The following PSD3 variants were observed in gnomAD, a reference collection of about 807,000 sequenced individuals.
The protein encoded by PSD3 is PH and SEC7 domain-containing protein 3.
PSD3 carries 49 observed loss-of-function variants against 105.5 expected under a neutral mutation model. The observed-to-expected ratio is 0.46, with a 90% CI of 0.37 to 0.59. The LOEUF is 0.59. PSD3 is among the 20% of genes least tolerant of loss of function. The pLI, the probability that PSD3 is intolerant of heterozygous loss-of-function variation, is 0.00. For synonymous variants in PSD3, 557 were observed against 457.8 expected (o/e 1.22, Z -2.77); for missense variants, 1,561 against 1,263.8 (o/e 1.24, Z -3.57).
intron 1 of PSD3, among the ~76,000 whole-genome samples, chr8:19,070,501 C>T (rs557608043): frequency 1.3e-5 from 2 of 151,942 alleles, no homozygotes; most frequent in Admixed American, 6.6e-5. Context: ...CATGGTGAAA[C>T]GCTATCTCTA....
chr8:18,717,908 T>C (rs147108101), intron 9 of PSD3, among the ~76,000 whole-genome samples: 23 of 152,302 alleles, frequency 1.5e-4, no homozygotes, highest in African/African-American at 5.5e-4. Context: ...ACACAAAAAA[T>C]GCTCCATAGG....
chr8:18,566,634 G>T (rs1017973951), intron 14 of PSD3, among the ~76,000 whole-genome samples: 1 of 152,074 alleles, frequency 6.6e-6, no homozygotes, highest in African/African-American at 2.4e-5. Flanking sequence ...GCAATTCAGT[G>T]GGGTGGCGGA....
intron 11 of PSD3, among the ~76,000 whole-genome samples, chr8:18,601,706 C>T (rs969729190): frequency 1.3e-5 from 2 of 152,160 alleles, no homozygotes; most frequent in African/African-American, 2.4e-5. Context: ...AAAAAGCATA[C>T]CATTATTTCC....
At chr8:19,042,334 G>T (rs1828151602) in intron 1 of PSD3, among the ~76,000 whole-genome samples, 1 of 152,124 alleles carries the variant, frequency 6.6e-6, no homozygotes, top group African/African-American at 2.4e-5. Flanking sequence ...AATGTGGGGT[G>T]ATGGCTTCCA....
chr8:18,872,606 G>C lies in PSD3; in HGVS notation c.258C>G (p.Cys86Trp). ...GGACACCCTGCTGCTCTTGTGGGTG[G>C]CATGGCAGAGCCTCACCATCAAATT... ...SLEFDGEALP[C>W]HPQEQQGVQP... Residue 86 changes from cysteine (C) to tryptophan (W), a missense_variant, in exon 3 of 16, where the codon TGC becomes TGG. Cys to Trp is a radical substitution (Grantham distance 215). Coordinates refer to ENST00000327040, the MANE Select transcript of PSD3 (RefSeq NM_015310.4). 1 of 1,614,072 alleles carries C rather than the reference G, an allele frequency of 6.2e-7. No individual in the cohort carries two copies. The highest frequency in any genetic ancestry group is 8.5e-7 in the Non-Finnish European group (1 of 1,179,998).
At chr8:18,801,899 T>G (rs1364206266) in intron 6 of PSD3, among the ~76,000 whole-genome samples, 3 of 152,056 alleles carry the variant, frequency 2.0e-5, no homozygotes, top group African/African-American at 2.4e-5. Flanking sequence ...CAAGAAAGCC[T>G]TGGGAAGGTA....
chr8:18,965,876 C>G (rs1824210958), intron 1 of PSD3, among the ~76,000 whole-genome samples: 1 of 152,228 alleles, frequency 6.6e-6, no homozygotes, highest in Non-Finnish European at 1.5e-5. Flanking sequence ...AAATGCCAGG[C>G]CTGAGTTAAG....
At chr8:18,790,824 CA>C (rs1056156078) in intron 8 of PSD3, among the ~76,000 whole-genome samples, 89 of 151,052 alleles carry the variant, frequency 5.9e-4, no homozygotes, top group African/African-American at 2.1e-3. Flanking sequence ...AGCTCCAAGT[CA>C]GGTAAAAACA....
chr8:18,690,897 T>G (rs1982801), intron 9 of PSD3, among the ~76,000 whole-genome samples: 139,108 of 152,204 alleles, frequency 0.91, 64,002 homozygotes, highest in Middle Eastern at 0.97. Context: ...AACTGCAAAG[T>G]TTTTTCTAGC....
chr8:18,755,203 C>T (rs73616217), intron 9 of PSD3, among the ~76,000 whole-genome samples: 8 of 151,940 alleles, frequency 5.3e-5, no homozygotes, highest in African/African-American at 1.5e-4. Context: ...CCATGGTGGG[C>T]GGATCACTTG....
At chr8:19,009,378 G>A (rs1826851262) in intron 1 of PSD3, among the ~76,000 whole-genome samples, 1 of 152,180 alleles carries the variant, frequency 6.6e-6, no homozygotes, top group Non-Finnish European at 1.5e-5. Context: ...TGGATGACCT[G>A]AGTTTAAAGT....
At chr8:18,747,648 T>A (rs776969687) in intron 9 of PSD3, among the ~76,000 whole-genome samples, 1 of 152,138 alleles carries the variant, frequency 6.6e-6, no homozygotes, top group African/African-American at 2.4e-5. Flanking sequence ...AGATTATGGC[T>A]GGATAGTGAC....
At chr8:18,698,930 T>C (rs1279490978) in intron 9 of PSD3, among the ~76,000 whole-genome samples, 2 of 152,220 alleles carry the variant, frequency 1.3e-5, no homozygotes, top group Non-Finnish European at 2.9e-5. Context: ...AAATTAACAT[T>C]AATGAGAGAT....
At chr8:18,910,206 T>C (rs1047967601) in intron 2 of PSD3, among the ~76,000 whole-genome samples, 1 of 150,648 alleles carries the variant, frequency 6.6e-6, no homozygotes, top group African/African-American at 2.5e-5. Context: ...ATTGCGGCAC[T>C]ATTCACAATA....
chr8:18,809,683 G>T (rs1249219116), intron 4 of PSD3, among the ~76,000 whole-genome samples: 1 of 152,060 alleles, frequency 6.6e-6, no homozygotes, highest in Non-Finnish European at 1.5e-5. Context: ...TTTATTTCAA[G>T]AATTCCAATA....
chr8:18,730,459 G>C (rs576223773), intron 9 of PSD3: 1 of 152,258 alleles, frequency 6.6e-6, no homozygotes, highest in South Asian at 2.1e-4. Context: ...AAATATTAAT[G>C]AGATGACCAT....
At chr8:18,760,925 G>C (rs1563234163) in intron 9 of PSD3, among the ~76,000 whole-genome samples, 1 of 152,062 alleles carries the variant, frequency 6.6e-6, no homozygotes, top group African/African-American at 2.4e-5. Context: ...GTCTCCCCCA[G>C]GGATGTTTTA....
chr8:18,771,124 C>G (rs1807483094), intron 8 of PSD3, among the ~76,000 whole-genome samples: 1 of 152,214 alleles, frequency 6.6e-6, no homozygotes, highest in Non-Finnish European at 1.5e-5. Flanking sequence ...CTTCTCCTCT[C>G]TCTGCTGGCT....
At chr8:18,892,909 G>C (rs1358383196) in intron 2 of PSD3, among the ~76,000 whole-genome samples, 1 of 152,150 alleles carries the variant, frequency 6.6e-6, no homozygotes, top group East Asian at 1.9e-4. Flanking sequence ...ACAGATGTGA[G>C]CAACCGTGCC....
Sources: allele counts gnomAD v4.1 joint callset (sites outside exome capture counted in the v4.1 genomes callset), GRCh38; gene constraint gnomAD v4.1.1; transcripts MANE v1.5; gene names NCBI Gene and HGNC (gene_info 2026-07-23, HGNC 2026-07-21).